Variants in BABAM2 observed in about 807,000 individuals in gnomAD.
The protein encoded by BABAM2 is BRISC and BRCA1 A complex member 2.
In BABAM2, 31 loss-of-function variants were observed where a neutral mutation model predicts 54.7. The ratio of observed to expected loss-of-function variants is 0.57; its 90% CI spans 0.43 to 0.77. BABAM2 has a LOEUF of 0.77. Among genes scored for constraint, BABAM2 ranks in the 30% least tolerant of loss-of-function variants. BABAM2 has a pLI of 0.00. For missense variants in BABAM2, 364 were observed against 455.8 expected (o/e 0.80, Z 1.83); for synonymous variants, 167 against 162.9 (o/e 1.03, Z -0.19).
intron 6 of BABAM2, among the ~76,000 whole-genome samples, chr2:28,079,469 A>G (rs1264011400): frequency 2.6e-5 from 4 of 152,232 alleles, no homozygotes; most frequent in Non-Finnish European, 2.9e-5. Flanking sequence ...AATTAGAGGT[A>G]AAATAAAAGC....
At chr2:28,005,864 C>T (rs1673922866) in intron 4 of BABAM2, among the ~76,000 whole-genome samples, 1 of 152,058 alleles carries the variant, frequency 6.6e-6, no homozygotes, top group Non-Finnish European at 1.5e-5. Context: ...TAGTTTGAAG[C>T]AAACCCCACA....
intron 11 of BABAM2, among the ~76,000 whole-genome samples, chr2:28,323,204 C>T (rs1216094866): frequency 2.0e-5 from 3 of 152,282 alleles, no homozygotes; most frequent in Admixed American, 6.5e-5. Flanking sequence ...AGGAGTGGCC[C>T]ATGAGTGTGT....
At chr2:27,958,462 AT>A (rs1342543353) in intron 3 of BABAM2, among the ~76,000 whole-genome samples, 1 of 139,492 alleles carries the variant, frequency 7.2e-6, no homozygotes, top group African/African-American at 2.6e-5. Flanking sequence ...TGCTTTATAT[AT>A]TTTATATATA....
chr2:28,111,008 A>T (rs1667961987), intron 6 of BABAM2, among the ~76,000 whole-genome samples: 1 of 139,416 alleles, frequency 7.2e-6, no homozygotes, highest in South Asian at 2.2e-4. Flanking sequence ...TCGCTTTGTC[A>T]CCCAGGCTGG....
intron 6 of BABAM2, among the ~76,000 whole-genome samples, chr2:28,128,208 T>C (rs1669738707): frequency 6.6e-6 from 1 of 152,178 alleles, no homozygotes; most frequent in Admixed American, 6.5e-5. Context: ...GATCCAGAAA[T>C]ATAGGTCCGT....
intron 2 of BABAM2, 140 bp from the exon 3 acceptor site, chr2:27,929,692 G>C (rs1667956870): frequency 1.5e-6 from 1 of 676,310 alleles, no homozygotes; most frequent in Non-Finnish European, 2.4e-6. Context: ...ACTATTAAAG[G>C]CTTTTATTTT....
intron 10 of BABAM2, among the ~76,000 whole-genome samples, chr2:28,247,096 C>T (rs11127136): frequency 0.84 from 127,279 of 152,124 alleles, 54,137 homozygotes; most frequent in East Asian, 1. Flanking sequence ...AACCCCCAGG[C>T]ACTCATTAGA....
intron 6 of BABAM2, among the ~76,000 whole-genome samples, chr2:28,111,598 C>T (rs572055670): frequency 1.3e-5 from 2 of 152,286 alleles, no homozygotes; most frequent in Admixed American, 1.3e-4. Context: ...AGTGAAACAT[C>T]ATAGTTCATC....
chr2:28,128,753 A>G (rs952125993), intron 6 of BABAM2, among the ~76,000 whole-genome samples: 9 of 152,094 alleles, frequency 5.9e-5, no homozygotes. Context: ...ATCCATTATC[A>G]TTTTGCCAAA....
At position 28,208,075 on chromosome 2, in the gene BABAM2, G is replaced by A. The variant is rs886560491; in HGVS notation, c.681-29127G>A. On this transcript the variant is annotated intron_variant, in intron 7 of 11. Coordinates refer to ENST00000379624, the MANE Select transcript of BABAM2 (RefSeq NM_199191.3). ...TGTGTGTGTGTGTGTGTACACATGC[G>A]CACACACTTTTGAGAATGGGGTTGA... 1.0e-3 allele frequency among the ~76,000 whole-genome samples: 156 copies of A among 149,522 alleles called. 1 individual carries two copies. Among genetic ancestry groups the A allele is most frequent in the Non-Finnish European group, 1.9e-3 (126 of 67,508 alleles).
At chr2:28,247,703 C>T (rs1050414618) in intron 10 of BABAM2, among the ~76,000 whole-genome samples, 1 of 152,188 alleles carries the variant, frequency 6.6e-6, no homozygotes, top group African/African-American at 2.4e-5. Context: ...TCTCCCCTTC[C>T]TCCCTATTCT....
chr2:28,027,079 A>G (rs1183166145), intron 5 of BABAM2, among the ~76,000 whole-genome samples: 1 of 146,816 alleles, frequency 6.8e-6, no homozygotes, highest in Non-Finnish European at 1.5e-5. Flanking sequence ...TCCATCCATC[A>G]TTAATTTTGT....
intron 11 of BABAM2, chr2:28,327,556 G>A (rs1263713643): frequency 4.6e-6 from 6 of 1,294,702 alleles, no homozygotes; most frequent in East Asian, 5.1e-5. Context: ...CTCCTAAAAC[G>A]GCATTTGATT....
At chr2:27,982,997 T>A (rs1672134984) in intron 3 of BABAM2, among the ~76,000 whole-genome samples, 1 of 152,024 alleles carries the variant, frequency 6.6e-6, no homozygotes, top group Non-Finnish European at 1.5e-5. Flanking sequence ...ATATCTCTGA[T>A]AATCTCCTTT....
chr2:28,119,175 C>G (rs1668851327), intron 6 of BABAM2, among the ~76,000 whole-genome samples: 1 of 152,138 alleles, frequency 6.6e-6, no homozygotes, highest in Middle Eastern at 3.2e-3. Flanking sequence ...CAGCTTTGTT[C>G]TTTTTGCTTA....
chr2:28,299,337 TTTTATATTTAAGAC>T (rs1471869754), intron 11 of BABAM2, among the ~76,000 whole-genome samples: 1 of 152,226 alleles, frequency 6.6e-6, no homozygotes, highest in Non-Finnish European at 1.5e-5. Context: ...GCTGAGTGTT[TTTTATATTTAAGAC>T]TTTGGTGTCT....
At chr2:28,072,095 A>G (rs1045360094) in intron 6 of BABAM2, among the ~76,000 whole-genome samples, 4 of 151,910 alleles carry the variant, frequency 2.6e-5, no homozygotes, top group African/African-American at 9.7e-5. Flanking sequence ...ATCATAACTC[A>G]CTATAACCTC....
chr2:28,256,305 A>T (rs1441744108), intron 10 of BABAM2, among the ~76,000 whole-genome samples: 1 of 152,220 alleles, frequency 6.6e-6, no homozygotes, highest in African/African-American at 2.4e-5. Context: ...AATTTGATAT[A>T]AAAATACCTG....
intron 6 of BABAM2, among the ~76,000 whole-genome samples, chr2:28,060,118 CAAAAG>C (rs1336926694): frequency 1.3e-5 from 2 of 151,980 alleles, no homozygotes; most frequent in Non-Finnish European, 2.9e-5. Flanking sequence ...TTAACAAACT[CAAAAG>C]AATGATACAT....
Sources: allele counts gnomAD v4.1 joint callset (sites outside exome capture counted in the v4.1 genomes callset), GRCh38; gene constraint gnomAD v4.1.1; transcripts MANE v1.5; gene names NCBI Gene and HGNC (gene_info 2026-07-23, HGNC 2026-07-21).